Variants in ALOXE3 observed in about 807,000 individuals in gnomAD.
The protein encoded by ALOXE3 is arachidonate epidermal lipoxygenase 3.
A neutral mutation model predicts 87.5 loss-of-function variants in ALOXE3; 78 were observed. That is an observed-to-expected ratio of 0.89 (90% CI 0.74 to 1.08). ALOXE3 has a LOEUF of 1.08. ALOXE3 is among the 50% of genes least tolerant of loss of function. The pLI is 0.00. For missense variants in ALOXE3, 946 were observed against 912.4 expected (o/e 1.04, Z -0.47); for synonymous variants, 363 against 370.8 (o/e 0.98, Z 0.24).
At chr17:8,107,193 G>A (rs1243879652) in intron 13 of ALOXE3, among the ~76,000 whole-genome samples, 7 of 152,160 alleles carry the variant, frequency 4.6e-5, no homozygotes, top group South Asian at 2.1e-4. Context: ...TTAATAGCAG[G>A]TTTGCAAAAC....
intron 6 of ALOXE3, among the ~76,000 whole-genome samples, chr17:8,113,258 T>A (rs1980259115): frequency 6.6e-6 from 1 of 152,142 alleles, no homozygotes; most frequent in African/African-American, 2.4e-5. Flanking sequence ...ACATATATTA[T>A]CCCCATTATA....
At chr17:8,109,113 C>A in intron 12 of ALOXE3, 61 bp downstream of exon 12, 1 of 1,603,434 alleles carries the variant, frequency 6.2e-7, no homozygotes, top group Non-Finnish European at 8.5e-7. Context: ...AGCGCAGGGA[C>A]CACAATGTCC....
At chr17:8,118,897 G>A, upstream of ALOXE3, 1 of 1,473,526 alleles carries the variant, frequency 6.8e-7, no homozygotes, top group South Asian at 1.4e-5. Flanking sequence ...AGCCCGCAGC[G>A]GCCCCGCGCG....
rs754081458 is a variant in ALOXE3, at chr17:8,118,032, G to A, written c.-42C>T. 1 of 1,601,246 alleles carries A rather than the reference G, an allele frequency of 6.2e-7. No individual in the cohort carries two copies. Among genetic ancestry groups the A allele is most frequent in the Non-Finnish European group, 8.5e-7 (1 of 1,176,238 alleles). ...GGATGCCCCGGCAACGCTGGCCGCA[G>A]CAGCAGCCGGCCTGGAGGAGAAGAG... On this transcript the variant is annotated 5_prime_UTR_variant, in exon 2 of 16. Transcript: ENST00000448843.
rs759155475 is a variant in ALOXE3 at position 8,108,479 on chromosome 17, C to T, written c.1673G>A (p.Arg558Gln). ...TAGAGAGGGGATACCTGAGCTTTCC[C>T]GGCCCAGGAACGCCTGAGCAAAAAT... ...GEIFAQAFLG[R>Q]ESSGFPSRLC... Residue 558 changes from arginine (R) to glutamine (Q), a missense_variant, in exon 13 of 16, where the codon CGG (arginine) becomes CAG (glutamine). Arg to Gln is a conservative substitution (Grantham distance 43, BLOSUM62 1). Transcript: ENST00000448843. 6 of 1,612,832 alleles carry T rather than the reference C, an allele frequency of 3.7e-6. No individual in the cohort carries two copies. The African/African-American group carries it at 8.0e-5, about 22-fold the overall frequency.
intron 5 of ALOXE3, 142 bp from the exon 6 acceptor site, chr17:8,114,751 G>C: frequency 1.4e-6 from 2 of 1,475,012 alleles, no homozygotes; most frequent in Non-Finnish European, 1.9e-6. Context: ...CTGCTCCTGA[G>C]CTAAAATAAC....
chr17:8,118,413 T>C (rs1436608783), intron 1 of ALOXE3, 73 bp downstream of exon 1: 1 of 1,551,026 alleles, frequency 6.4e-7, no homozygotes. Context: ...CCTGGAGTGC[T>C]TGTCCGCCCA....
chr17:8,103,019 G>A (rs1196757894), intron 15 of ALOXE3, among the ~76,000 whole-genome samples: 3 of 152,242 alleles, frequency 2.0e-5, no homozygotes, highest in African/African-American at 7.2e-5. Context: ...CTGGTGCCCA[G>A]TGCTGTGTGG....
intron 13 of ALOXE3, among the ~76,000 whole-genome samples, chr17:8,107,929 GAAAGAA>G (rs1979553477): frequency 1.9e-4 from 1 of 5,336 alleles, no homozygotes; most frequent in African/African-American, 9.4e-4. Context: ...AAGAAAGAAA[GAAAGAA>G]AGAAAGAAAG....
intron 15 of ALOXE3, among the ~76,000 whole-genome samples, chr17:8,098,234 G>GTTTT (rs71159546): frequency 0.012 from 1,064 of 87,456 alleles, 87 homozygotes; most frequent in East Asian, 0.033. Context: ...TTTGGTTTTT[G>GTTTT]TTTTTTTTTT....
At chr17:8,106,690 G>A (rs767045412) in intron 13 of ALOXE3, among the ~76,000 whole-genome samples, 3 of 152,168 alleles carry the variant, frequency 2.0e-5, no homozygotes, top group Non-Finnish European at 4.4e-5. Context: ...TCCGGGCGTG[G>A]TAGTGTGCGA....
Position 8,103,628 on chromosome 17 carries a change from G to A in ALOXE3, c.1786-135C>T, listed in dbSNP as rs529880837. ...ATGAGGGGATCACGGAAAGGCAAGA[G>A]AGCTGGGAAATGAGGGGATCATGGA... On this transcript the variant is annotated intron_variant, in intron 14 of 15. Coordinates refer to ENST00000448843, the MANE Select transcript of ALOXE3 (RefSeq NM_021628.3). The A allele has an allele frequency of 1.4e-5, 14 of 1,011,400 alleles. 1 individual carries two copies. The African/African-American group carries it at 1.8e-4, about 13-fold the overall frequency. The allele number at this position is 1,011,400 out of a possible 1,614,324, so 62.7% of individuals were successfully genotyped here. A position where few individuals can be genotyped will look rare whatever the true frequency, so the allele number is the denominator to read the frequency against.
rs571277983 is a variant in ALOXE3 at position 8,117,148 on chromosome 17, G to T, written c.148-168C>A. ...ATTAGAAAAAGCTTCCCCGGGCCGG[G>T]AGAGGTGGCTCACGCCTGTAATCCT... On this transcript the variant is annotated intron_variant, in intron 2 of 15. Transcript: ENST00000448843. Among the ~76,000 whole-genome samples the T allele has an allele frequency of 2.2e-4, 34 of 152,382 alleles. 1 individual carries two copies. The East Asian group carries it at 6.4e-3, about 29-fold the overall frequency.
chr17:8,109,489 C>G lies in ALOXE3; in HGVS notation c.1393-146G>C, dbSNP rs973577499. The G allele has an allele frequency of 5.4e-6, 6 of 1,107,070 alleles. No individual in the cohort carries two copies. In the East Asian group the frequency reaches 1.3e-4, roughly 24 times the overall value. 68.6% of individuals were successfully genotyped at this position (1,107,070 alleles called of 1,614,324 possible). On this transcript the variant is annotated intron_variant, in intron 11 of 15. Transcript: ENST00000448843. The stretch of plus-strand genomic sequence containing the variant: ...CGGATCAAATACCCACGAGGGCCTG[C>G]CTGACGCAGGCTGCGCAGCTTGACG...
In ALOXE3 at chr17:8,118,049, G is replaced by A. The variant is rs1980769761; in HGVS notation, c.-59C>T. 3 of 1,591,662 alleles carry A rather than the reference G, an allele frequency of 1.9e-6. No individual in the cohort carries two copies. In the South Asian group the frequency reaches 3.4e-5, roughly 18 times the overall value. ...TGGCCGCAGCAGCAGCCGGCCTGGA[G>A]GAGAAGAGCGGCACGCCGGACAGGG... On this transcript the variant is annotated 5_prime_UTR_variant, in exon 2 of 16. Coordinates refer to ENST00000448843, the MANE Select transcript of ALOXE3 (RefSeq NM_021628.3).
Position 8,111,450 on chromosome 17 carries a change from C to T in ALOXE3, c.866G>A (p.Cys289Tyr), listed in dbSNP as rs747490323. The T allele has an allele frequency of 1.9e-6, 3 of 1,614,150 alleles. No homozygotes were observed. Among genetic ancestry groups the T allele is most frequent in the Non-Finnish European group, 2.5e-6 (3 of 1,180,026 alleles). The stretch of plus-strand genomic sequence containing the variant: ...CAGCTTGCTGGGCAAGCTAGAGATG[C>T]AGTGGAGCATGACGGGATTGACACC... Reference protein sequence around the residue: ...LNGVNPVMLHCISSLPSKLPV... With the variant: ...LNGVNPVMLHYISSLPSKLPV... Residue 289 changes from cysteine to tyrosine, a missense_variant, in exon 8 of 16, where the codon TGC becomes TAC. Cys to Tyr is a radical substitution (Grantham distance 194, BLOSUM62 -2). Coordinates refer to ENST00000448843, the MANE Select transcript of ALOXE3 (RefSeq NM_021628.3).
Position 8,098,241 on chromosome 17 carries a change from T to TTTG in ALOXE3, c.1957-1436_1957-1435insCAA, listed in dbSNP as rs1010052976. The stretch of plus-strand genomic sequence containing the variant: ...AATATACTTTTGGTTTTTGTTTTTT[T>TTTG]TTTTTTTTTTTTTTTGAGACGGAGT... On this transcript the variant is annotated intron_variant, in intron 15 of 15. Transcript: ENST00000448843. Among the ~76,000 whole-genome samples, 5 of 131,524 alleles carry TTTG rather than the reference T, an allele frequency of 3.8e-5. No homozygotes were observed. In the South Asian group the frequency reaches 1.0e-3, roughly 27 times the overall value. 86.3% of individuals were successfully genotyped at this position (131,524 alleles called of 152,430 possible).
intron 15 of ALOXE3, among the ~76,000 whole-genome samples, chr17:8,100,073 T>C (rs1185461311): frequency 6.6e-6 from 1 of 151,134 alleles, no homozygotes; most frequent in Non-Finnish European, 1.5e-5. Context: ...CCAGGCTTTT[T>C]TTCAGACAAC....
At chr17:8,117,517 G>GCAGAGGCA (rs1980702987) in intron 2 of ALOXE3, among the ~76,000 whole-genome samples, 1 of 152,358 alleles carries the variant, frequency 6.6e-6, no homozygotes, top group East Asian at 1.9e-4. Context: ...CCTGGGGCTG[G>GCAGAGGCA]CAGAGGCAGG....
Sources: allele counts gnomAD v4.1 joint callset (sites outside exome capture counted in the v4.1 genomes callset), GRCh38; gene constraint gnomAD v4.1.1; transcripts MANE v1.5; gene names NCBI Gene and HGNC (gene_info 2026-07-23, HGNC 2026-07-21).